RELCH: variants seen among roughly 807,000 people sequenced by gnomAD.
The protein encoded by RELCH is RAB11 binding and LisH domain, coiled-coil and HEAT repeat containing.
A neutral mutation model predicts 150.3 loss-of-function variants in RELCH; 41 were observed. The ratio of observed to expected loss-of-function variants is 0.27; its 90% CI spans 0.21 to 0.35. RELCH has a LOEUF of 0.35. Among genes scored for constraint, RELCH ranks in the 10% least tolerant of loss-of-function variants. The probability of loss-of-function intolerance (pLI) is 1.00; values close to 1 mark genes in which losing one functional copy is unlikely to be tolerated. For missense variants in RELCH, 1,092 were observed against 1,467.8 expected (o/e 0.74, Z 4.18); for synonymous variants, 478 against 531.8 (o/e 0.90, Z 1.39).
At chr18:62,266,789 T>G in intron 19 of RELCH, 40 bp downstream of exon 19, 1 of 1,219,568 alleles carries the variant, frequency 8.2e-7, no homozygotes, top group Non-Finnish European at 1.2e-6. Context: ...CAATTGCATT[T>G]CTTTATGCAG....
chr18:62,205,542 T>C (rs1471721875), intron 1 of RELCH, among the ~76,000 whole-genome samples: 1 of 152,232 alleles, frequency 6.6e-6, no homozygotes, highest in African/African-American at 2.4e-5. Context: ...ATTGCACATG[T>C]CAGTATTTTA....
At chr18:62,269,397 A>AT (rs138257442) in intron 20 of RELCH, 41,049 of 400,148 alleles carry the variant, frequency 0.1, 1,484 homozygotes, top group Middle Eastern at 0.19. Context: ...CAGATTTTGG[A>AT]TTTTTTTTTT....
chr18:62,210,085 A>C (rs1479460353), intron 1 of RELCH, among the ~76,000 whole-genome samples: 7 of 152,144 alleles, frequency 4.6e-5, no homozygotes, highest in Non-Finnish European at 1.0e-4. Context: ...TCCAAACTGG[A>C]TGTTTTTGGT....
intron 1 of RELCH, among the ~76,000 whole-genome samples, chr18:62,189,776 T>C (rs563911776): frequency 1.3e-5 from 2 of 152,378 alleles, no homozygotes; most frequent in South Asian, 4.1e-4. Flanking sequence ...AGTTTAGCAG[T>C]GTTTTAGAGT....
intron 9 of RELCH, 121 bp downstream of exon 9, chr18:62,231,390 T>G: frequency 1.7e-6 from 1 of 594,378 alleles, no homozygotes; most frequent in Non-Finnish European, 2.9e-6. Context: ...AAATCCATTA[T>G]GTAAAATAAT....
chr18:62,269,094 G>A (rs2043749186), intron 20 of RELCH, 146 bp downstream of exon 20: 2 of 425,602 alleles, frequency 4.7e-6, no homozygotes, highest in African/African-American at 2.1e-5. Context: ...ATAATGGATA[G>A]CATATTTGAA....
chr18:62,304,744 T>C (rs1353081729), intron 28 of RELCH, among the ~76,000 whole-genome samples: 3 of 152,194 alleles, frequency 2.0e-5, no homozygotes, highest in Non-Finnish European at 4.4e-5. Flanking sequence ...TAGCAATCTT[T>C]AGAGGTCATT....
intron 5 of RELCH, among the ~76,000 whole-genome samples, chr18:62,223,071 CTA>C (rs2040984171): frequency 6.6e-6 from 1 of 151,328 alleles, no homozygotes; most frequent in Non-Finnish European, 1.5e-5. Flanking sequence ...CCTTAAGAAA[CTA>C]AAAAAAGAAA....
chr18:62,208,382 T>G (rs539504448), intron 1 of RELCH, among the ~76,000 whole-genome samples: 144 of 152,172 alleles, frequency 9.5e-4, no homozygotes, highest in Non-Finnish European at 1.6e-3. Context: ...AATTTAATTC[T>G]GATGAAATCT....
chr18:62,205,316 A>G (rs1438051346), intron 1 of RELCH, among the ~76,000 whole-genome samples: 1 of 152,186 alleles, frequency 6.6e-6, no homozygotes, highest in Non-Finnish European at 1.5e-5. Flanking sequence ...CCAAACTCAT[A>G]TTATATATAC....
At position 62,275,328 on chromosome 18, in the gene RELCH, G is replaced by A. The variant is rs775485588; in HGVS notation, c.2868-46G>A. On this transcript the variant is annotated intron_variant, in intron 21 of 28. Transcript: ENST00000644646. ...CGTGTTTTTCAGTTCACTAGTAAGG[G>A]ACTGTGGCTCTCAATTTTAACACTG... The A allele has an allele frequency of 4.2e-6, 4 of 960,566 alleles. No homozygotes were observed. The Admixed American group carries it at 1.0e-4, about 24-fold the overall frequency. The allele number at this position is 960,566 out of a possible 1,614,324, so 59.5% of individuals were successfully genotyped here.
chr18:62,221,187 A>T, intron 3 of RELCH, 32 bp from the exon 4 acceptor site: 1 of 1,595,302 alleles, frequency 6.3e-7, no homozygotes, highest in Non-Finnish European at 8.6e-7. Context: ...AATGTAAAAT[A>T]GTAAAATAGT....
intron 2 of RELCH, among the ~76,000 whole-genome samples, chr18:62,218,133 A>G (rs2040601825): frequency 6.6e-6 from 1 of 151,880 alleles, no homozygotes; most frequent in African/African-American, 2.4e-5. Flanking sequence ...TTCTTTTCTT[A>G]CAACTGTTCT....
At chr18:62,227,748 G>A in intron 7 of RELCH, 59 bp downstream of exon 7, 1 of 781,114 alleles carries the variant, frequency 1.3e-6, no homozygotes, top group South Asian at 2.3e-5. Flanking sequence ...GTATTGGCAA[G>A]TTATGCAAAT....
chr18:62,300,327 C>G (rs1196201822), intron 28 of RELCH: 1 of 152,208 alleles, frequency 6.6e-6, no homozygotes, highest in African/African-American at 2.4e-5. Flanking sequence ...CAGGAGTATT[C>G]TTACTCTGCC....
chr18:62,242,214 A>T (rs917860081), intron 10 of RELCH, among the ~76,000 whole-genome samples: 1 of 152,180 alleles, frequency 6.6e-6, no homozygotes, highest in African/African-American at 2.4e-5. Context: ...GTGACTTCCC[A>T]TATGTTGTTA....
chr18:62,255,609 A>G (rs2042956992), intron 13 of RELCH, 131 bp downstream of exon 13: 1 of 686,882 alleles, frequency 1.5e-6, no homozygotes, highest in Non-Finnish European at 2.5e-6. Context: ...GAGATGATCC[A>G]AAAAAGAGAC....
At chr18:62,292,932 A>G (rs1227542492) in intron 27 of RELCH, among the ~76,000 whole-genome samples, 3 of 152,180 alleles carry the variant, frequency 2.0e-5, no homozygotes, top group Non-Finnish European at 2.9e-5. Context: ...TTCCTAAAGT[A>G]TAAATCTCTT....
intron 28 of RELCH, among the ~76,000 whole-genome samples, chr18:62,302,811 C>T (rs966082941): frequency 3.3e-5 from 5 of 152,006 alleles, no homozygotes; most frequent in African/African-American, 9.7e-5. Flanking sequence ...AGCTGTGAGC[C>T]GCTGTGCCTG....
Sources: gnomAD v4.1 joint callset for allele counts (sites outside exome capture counted in the v4.1 genomes callset) on GRCh38, gnomAD v4.1.1 for gene constraint, MANE v1.5 for transcripts, NCBI Gene and HGNC (gene_info 2026-07-23, HGNC 2026-07-21) for gene names.